Variants in ZNF782 observed in about 807,000 individuals in gnomAD.
ZNF782 encodes zinc finger protein 782.
ZNF782 carries 12 observed loss-of-function variants against 13.0 expected under a neutral mutation model. The observed-to-expected ratio is 0.92, with a 90% CI of 0.59 to 1.50. The LOEUF (loss-of-function observed/expected upper bound fraction) is 1.50. Ranked by LOEUF, ZNF782 falls within the 40% of genes most tolerant of loss-of-function variation. The pLI, the probability that ZNF782 is intolerant of heterozygous loss-of-function variation, is 0.00. For missense variants in ZNF782, 770 were observed against 822.9 expected, an observed-to-expected ratio of 0.94 and a Z score of 0.79; for synonymous variants, 284 against 283.0, an observed-to-expected ratio of 1.00 and a Z score of -0.04.
At chr9:96,880,386 T>C (rs1236173390), upstream of ZNF782, among the ~76,000 whole-genome samples, 3 of 152,206 alleles carry the variant, frequency 2.0e-5, no homozygotes, top group African/African-American at 7.2e-5. Flanking sequence ...CATTGAGACT[T>C]TAGCCATCAA....
intron 1 of ZNF782, among the ~76,000 whole-genome samples, chr9:96,872,794 C>T (rs548646134): frequency 1.3e-4 from 20 of 152,090 alleles, no homozygotes; most frequent in Non-Finnish European, 2.2e-4. Flanking sequence ...AGTGGCATAG[C>T]GTATTAGATG....
At chr9:96,832,197 C>T (rs1261079808) in intron 4 of ZNF782, among the ~76,000 whole-genome samples, 1 of 152,104 alleles carries the variant, frequency 6.6e-6, no homozygotes, top group Non-Finnish European at 1.5e-5. Flanking sequence ...CATATTACCA[C>T]AGTTCACTGT....
the ZNF782 span, among the ~76,000 whole-genome samples, chr9:96,898,584 T>A: frequency 6.7e-6 from 1 of 148,436 alleles, no homozygotes; most frequent in Non-Finnish European, 1.5e-5. Context: ...TCTCCCTCTA[T>A]TGCCCAGGCT....
At chr9:96,921,784 C>T in the ZNF782 span, among the ~76,000 whole-genome samples, 11 of 150,536 alleles carry the variant, frequency 7.3e-5, no homozygotes, top group African/African-American at 2.4e-4. Context: ...ACCTCTGCCT[C>T]CCAGGTTCAA....
the ZNF782 span, among the ~76,000 whole-genome samples, chr9:96,903,503 G>C: frequency 6.7e-6 from 1 of 148,618 alleles, no homozygotes; most frequent in Non-Finnish European, 1.5e-5. Flanking sequence ...ATGAAACACC[G>C]CTATACAAGT....
chr9:96,869,983 A>T (rs941052683), intron 1 of ZNF782, among the ~76,000 whole-genome samples: 1 of 152,232 alleles, frequency 6.6e-6, no homozygotes, highest in Non-Finnish European at 1.5e-5. Context: ...CTGTTAGAAG[A>T]CTGTCACAAT....
rs79543491 is a variant in ZNF782 at position 96,866,332 on chromosome 9, C to A, written c.-456-4729G>T. 9.2e-3 allele frequency among the ~76,000 whole-genome samples: 1,406 copies of A among 152,242 alleles called. 53 individuals are homozygous for A. The East Asian group carries it at 0.1, about 11-fold the overall frequency. The stretch of plus-strand genomic sequence containing the variant: ...CTGCTCCTGCCATGACTAAAAGGGG[C>A]CAAAATACAGCTTGGGCTGTTGCTT... On this transcript the variant is annotated intron_variant, in intron 1 of 5. Coordinates refer to the ZNF782 transcript ENST00000498811.
At chr9:96,882,555 CATTTT>C in the ZNF782 span, among the ~76,000 whole-genome samples, 10 of 152,122 alleles carry the variant, frequency 6.6e-5, no homozygotes, top group East Asian at 1.5e-3. Flanking sequence ...AATGTACTCC[CATTTT>C]ATTTAAAAAG....
chr9:96,853,500 C>T (rs1321046217), intron 1 of ZNF782, among the ~76,000 whole-genome samples: 1 of 152,168 alleles, frequency 6.6e-6, no homozygotes, highest in Non-Finnish European at 1.5e-5. Flanking sequence ...CCTGAGAAAC[C>T]ATGTTAGTGG....
At chr9:96,863,526 A>T (rs768207900) in intron 1 of ZNF782, among the ~76,000 whole-genome samples, 1 of 152,244 alleles carries the variant, frequency 6.6e-6, no homozygotes, top group East Asian at 1.9e-4. Context: ...TATCTACCCA[A>T]AGGAAAATAA....
At chr9:96,838,904 T>C (rs1024916624) in intron 4 of ZNF782, among the ~76,000 whole-genome samples, 1 of 151,762 alleles carries the variant, frequency 6.6e-6, no homozygotes, top group Admixed American at 6.6e-5. Flanking sequence ...TTAGTAGAGA[T>C]GGGGTTTCAC....
intron 4 of ZNF782, among the ~76,000 whole-genome samples, chr9:96,839,841 C>T (rs1851134635): frequency 6.6e-6 from 1 of 152,162 alleles, no homozygotes; most frequent in Non-Finnish European, 1.5e-5. Context: ...TATTTGTATA[C>T]AGGCTCTTGT....
intron 3 of ZNF782, among the ~76,000 whole-genome samples, chr9:96,849,952 C>T (rs7870653): frequency 0.065 from 9,853 of 152,084 alleles, 961 homozygotes; most frequent in African/African-American, 0.21. Context: ...TTGAAACCAC[C>T]ATGAGATACC....
intron 4 of ZNF782, among the ~76,000 whole-genome samples, chr9:96,831,470 G>A (rs1187450645): frequency 1.3e-5 from 2 of 152,072 alleles, no homozygotes. Context: ...AGCACTTTGG[G>A]AGGCCGAGAC....
the ZNF782 span, among the ~76,000 whole-genome samples, chr9:96,911,622 G>C: frequency 6.7e-6 from 1 of 148,486 alleles, no homozygotes; most frequent in South Asian, 2.2e-4. Flanking sequence ...CCGGGTTCAA[G>C]CCATTATCCT....
the ZNF782 span, chr9:96,887,340 A>AGGAAGGAG: frequency 6.9e-6 from 1 of 144,432 alleles, no homozygotes; most frequent in Non-Finnish European, 1.5e-5. Context: ...GAAGGAAGGA[A>AGGAAGGAG]GAAAGAAAGA....
chr9:96,882,129 G>A, the ZNF782 span, among the ~76,000 whole-genome samples: 1 of 151,852 alleles, frequency 6.6e-6, no homozygotes, highest in Non-Finnish European at 1.5e-5. Context: ...TATTTATATA[G>A]ATTGAGGTGA....
upstream of ZNF782, among the ~76,000 whole-genome samples, chr9:96,878,100 G>GTA (rs1015903282): frequency 4.3e-4 from 66 of 152,364 alleles, no homozygotes; most frequent in African/African-American, 1.6e-3. Context: ...CCAAGCTGGA[G>GTA]TGCAATGCTG....
At chr9:96,860,008 C>T (rs559111381) in intron 3 of ZNF782, among the ~76,000 whole-genome samples, 3 of 152,050 alleles carry the variant, frequency 2.0e-5, no homozygotes, top group African/African-American at 4.8e-5. Flanking sequence ...ACTGTGATGA[C>T]GTCGTAGGTG....
Sources: gnomAD v4.1 joint callset for allele counts (sites outside exome capture counted in the v4.1 genomes callset) on GRCh38, gnomAD v4.1.1 for gene constraint, MANE v1.5 for transcripts, NCBI Gene and HGNC (gene_info 2026-07-23, HGNC 2026-07-21) for gene names.